MUC4: variants seen among roughly 807,000 people sequenced by gnomAD.
The protein encoded by MUC4 is mucin-4.
MUC4 carries 202 observed loss-of-function variants against 257.9 expected under a neutral mutation model. The observed-to-expected ratio is 0.78, with a 90% CI of 0.70 to 0.88. The LOEUF (loss-of-function observed/expected upper bound fraction) is 0.88. Among genes scored for constraint, MUC4 ranks in the 40% least tolerant of loss-of-function variants. The probability of loss-of-function intolerance (pLI) is 0.00; values close to 1 mark genes in which losing one functional copy is unlikely to be tolerated. For missense variants in MUC4, 5,976 were observed against 6,513.7 expected (o/e 0.92, Z 2.84); for synonymous variants, 2,351 against 2,757.1 (o/e 0.85, Z 4.62).
rs756573869 is a variant in MUC4 at position 195,774,156 on chromosome 3, C to T, written c.13077+16G>A. 46 of 1,593,722 alleles carry T rather than the reference C, an allele frequency of 2.9e-5. No homozygotes were observed. The highest frequency in any genetic ancestry group is 2.3e-5 in the East Asian group (1 of 42,722). On this transcript the variant is annotated intron_variant, in intron 4 of 24. Transcript: ENST00000463781. ...CCCTGGGAGTTCAGGCTGCGCGGGCCGCAGCCCGGACTCACGTAGAGGGAA... is the reference window on the plus strand; with the variant it reads ...CCCTGGGAGTTCAGGCTGCGCGGGCTGCAGCCCGGACTCACGTAGAGGGAA...
At position 195,784,591 on chromosome 3, in the gene MUC4, G is replaced by A. The variant is rs781031722; in HGVS notation, c.6989C>T (p.Ser2330Phe). The change falls in exon 2 of 25, where the codon TCC becomes TTC. Residue 2330 changes from serine to phenylalanine, a missense_variant. Coordinates refer to ENST00000463781, the MANE Select transcript of MUC4 (RefSeq NM_018406.7). ...AGGAAGAGGCGTGGTGTCACCTGTG[G>A]ATGCTGAGGAAAGGCTGGTGACAGG... ...PLPVTSLSSA[S>F]TGDTTPLPVT... 1 of 1,413,360 alleles carries A rather than the reference G, an allele frequency of 7.1e-7. No individual in the cohort carries two copies. The highest frequency in any genetic ancestry group is 2.1e-5 in the Admixed American group (1 of 47,278). The allele number at this position is 1,413,360 out of a possible 1,614,324, so 87.6% of individuals were successfully genotyped here. A position where few individuals can be genotyped will look rare whatever the true frequency, so the allele number is the denominator to read the frequency against.
At chr3:195,794,748 A>G (rs1051061344) in intron 1 of MUC4, among the ~76,000 whole-genome samples, 1 of 152,166 alleles carries the variant, frequency 6.6e-6, no homozygotes, top group African/African-American at 2.4e-5. Context: ...CTTCAAGTCC[A>G]CTTTCTGGAA....
chr3:195,758,203 A>G (rs1718041735), intron 17 of MUC4, among the ~76,000 whole-genome samples: 1 of 152,190 alleles, frequency 6.6e-6, no homozygotes, highest in Non-Finnish European at 1.5e-5. Context: ...CTGGCAACAG[A>G]CGAAAGCAGC....
chr3:195,761,475 C>G lies in MUC4; in HGVS notation c.14614+9G>C, dbSNP rs771390633. 1.8e-5 allele frequency: 29 copies of G among 1,610,522 alleles called. No individual in the cohort carries two copies. Among genetic ancestry groups the G allele is most frequent in the Middle Eastern group, 1.6e-4 (1 of 6,078 alleles). ...TGCCCCTCTGCCCCAGGACCCTGCC[C>G]AGACTCACAGGTCATTCCAAAGTGG... On this transcript the variant is annotated intron_variant, in intron 15 of 24. Transcript: ENST00000463781.
Position 195,788,847 on chromosome 3 carries a change from C to G in MUC4, c.2733G>C (p.Gln911His). The G allele has an allele frequency of 6.2e-7, 1 of 1,613,910 alleles. No individual in the cohort carries two copies. Among genetic ancestry groups the G allele is most frequent in the Non-Finnish European group, 8.5e-7 (1 of 1,179,864 alleles). The change falls in exon 2 of 25, where the codon CAG (glutamine) becomes CAC (histidine). Residue 911 changes from glutamine to histidine, a missense_variant. Coordinates refer to ENST00000463781, the MANE Select transcript of MUC4 (RefSeq NM_018406.7). ...TAAISRMAQT[Q>H]RTRTSRGSDT... is the part of the protein sequence containing the mutation. ...CAGACCCTCTGCTGGTTCTTGTCCT[C>G]TGAGTCTGGGCCATCCGGGAAATGG... is the stretch of plus-strand genomic sequence containing the variant.
intron 1 of MUC4, among the ~76,000 whole-genome samples, chr3:195,811,150 TA>T (rs1439806659): frequency 5.1e-5 from 1 of 19,606 alleles, no homozygotes; most frequent in Admixed American, 4.5e-4. Flanking sequence ...ATTTTATATT[TA>T]TTTATTTATT....
intron 7 of MUC4, 25 bp from the exon 8 acceptor site, chr3:195,766,776 G>T: frequency 1.2e-6 from 2 of 1,606,902 alleles, no homozygotes; most frequent in Non-Finnish European, 1.7e-6. Flanking sequence ...AGACTCTCAG[G>T]CCTCTGCCGT....
intron 7 of MUC4, among the ~76,000 whole-genome samples, chr3:195,767,943 C>CCAT (rs1721951937): frequency 1.1e-5 from 1 of 90,476 alleles, no homozygotes. Flanking sequence ...GCCACTACCA[C>CCAT]CACCACCACC....
At chr3:195,791,606 T>C in intron 1 of MUC4, 109 bp from the exon 2 acceptor site, 2 of 726,406 alleles carry the variant, frequency 2.8e-6, no homozygotes, top group Non-Finnish European at 4.6e-6. Flanking sequence ...ACAAAGGATG[T>C]GAAAACTACC....
At chr3:195,793,850 T>TA (rs1240934006) in intron 1 of MUC4, among the ~76,000 whole-genome samples, 16 of 152,290 alleles carry the variant, frequency 1.1e-4, no homozygotes, top group Non-Finnish European at 1.6e-4. Flanking sequence ...GCCAATCTGG[T>TA]AAAAAACCCA....
At chr3:195,772,316 T>C (rs1176576709) in intron 4 of MUC4, among the ~76,000 whole-genome samples, 1 of 147,188 alleles carries the variant, frequency 6.8e-6, no homozygotes, top group African/African-American at 2.5e-5. Flanking sequence ...TGGAACCCTC[T>C]ATCTATTGCT....
intron 1 of MUC4, among the ~76,000 whole-genome samples, chr3:195,792,191 A>T (rs1733945009): frequency 6.6e-6 from 1 of 152,206 alleles, no homozygotes; most frequent in Non-Finnish European, 1.5e-5. Flanking sequence ...TCATCAGAGC[A>T]AACAGGCAAC....
chr3:195,773,386 G>T (rs1036627008), intron 4 of MUC4, among the ~76,000 whole-genome samples: 2 of 150,620 alleles, frequency 1.3e-5, no homozygotes, highest in Non-Finnish European at 3.0e-5. Context: ...TCACTCAGGG[G>T]TGCAGACACC....
intron 23 of MUC4, chr3:195,750,556 G>A (rs1405959964): frequency 5.0e-6 from 2 of 400,754 alleles, no homozygotes; most frequent in Non-Finnish European, 9.1e-6. Flanking sequence ...AGAGACGATG[G>A]GGGTGTCCCT....
At chr3:195,748,063 T>C (rs1332027046) in intron 24 of MUC4, among the ~76,000 whole-genome samples, 3 of 149,694 alleles carry the variant, frequency 2.0e-5, no homozygotes, top group Non-Finnish European at 4.5e-5. Context: ...GATCTGGAAC[T>C]GCAGCTGGCG....
At position 195,790,535 on chromosome 3, in the gene MUC4, T is replaced by C. The variant is rs1361952481; in HGVS notation, c.1045A>G (p.Thr349Ala). The change falls in exon 2 of 25, where the codon ACA becomes GCA. Residue 349 changes from threonine (T) to alanine (A), a missense_variant. This residue lies in a region of MUC4 where 1,583 missense variants were observed against 1,257.4 expected (regional missense o/e 1.26). Transcript: ENST00000463781. ...NTLNTLTPVT[T>A]STVLSSPSGF... is the part of the protein sequence containing the mutation. The stretch of plus-strand genomic sequence containing the variant: ...CTTGGTGAGGATAAAACAGTTGATG[T>C]TGTAACCGGTGTGAGGGTGTTGAGG... 6.8e-6 allele frequency: 11 copies of C among 1,613,856 alleles called. No individual in the cohort carries two copies. Among genetic ancestry groups the C allele is most frequent in the Non-Finnish European group, 9.3e-6 (11 of 1,179,872 alleles).
intron 1 of MUC4, among the ~76,000 whole-genome samples, chr3:195,811,042 G>A (rs957020287): frequency 9.9e-5 from 15 of 151,626 alleles, no homozygotes; most frequent in East Asian, 3.9e-4. Flanking sequence ...TCTCTCTTTC[G>A]AGCATTCTCC....
chr3:195,775,859 GCCATACCTTCCACAC>G (rs1560285204), intron 3 of MUC4, among the ~76,000 whole-genome samples: 25 of 58,884 alleles, frequency 4.2e-4, no homozygotes, highest in Non-Finnish European at 6.2e-4. Context: ...ACCTTCCACG[GCCATACCTTCCACAC>G]CCATACCTTC....
In MUC4 at chr3:195,784,811, G is replaced by T. The variant is rs757260447; in HGVS notation, c.6769C>A (p.Leu2257Ile). The T allele has an allele frequency of 6.5e-7, 1 of 1,528,314 alleles. No individual in the cohort carries two copies. Among genetic ancestry groups the T allele is most frequent in the Admixed American group, 2.0e-5 (1 of 50,470 alleles). 94.7% of individuals were successfully genotyped at this position (1,528,314 alleles called of 1,614,324 possible). ...SSASTGDTTP[L>I]PVTDASSVST... ...ACTGAGGAAGCGTCGGTGACAGGAA[G>T]AGGGGTGGTGTCACCTGTGGATGCT... Residue 2257 changes from leucine to isoleucine, a missense_variant, in exon 2 of 25, where the codon CTT becomes ATT. This residue lies in a region of MUC4 where 85 missense variants were observed against 325.0 expected (regional missense o/e 0.26). Transcript: ENST00000463781.
Sources: allele counts gnomAD v4.1 joint callset (sites outside exome capture counted in the v4.1 genomes callset), GRCh38; gene constraint gnomAD v4.1.1; regional missense constraint gnomAD v4.1.1; transcripts MANE v1.5; gene names NCBI Gene and HGNC (gene_info 2026-07-23, HGNC 2026-07-21).